The following PLXNA4 variants were observed in gnomAD, a reference collection of about 807,000 sequenced individuals.
The protein encoded by PLXNA4 is plexin A4.
PLXNA4 carries 44 observed loss-of-function variants against 191.8 expected under a neutral mutation model. The observed-to-expected ratio is 0.23, with a 90% CI of 0.18 to 0.29. PLXNA4 has a LOEUF of 0.29. PLXNA4 is among the 10% of genes least tolerant of loss of function. The pLI, the probability that PLXNA4 is intolerant of heterozygous loss-of-function variation, is 1.00. For missense variants in PLXNA4, 1,800 were observed against 2,488.8 expected, an observed-to-expected ratio of 0.72 and a Z score of 5.89; for synonymous variants, 1,082 against 1,009.5, an observed-to-expected ratio of 1.07 and a Z score of -1.36.
At chr7:132,580,505 G>A (rs1468931903), upstream of PLXNA4, among the ~76,000 whole-genome samples, 1 of 152,172 alleles carries the variant, frequency 6.6e-6, no homozygotes, top group Non-Finnish European at 1.5e-5. Flanking sequence ...ACAAGAGGGA[G>A]AAGCTAAATG....
intron 2 of PLXNA4, among the ~76,000 whole-genome samples, chr7:132,631,825 A>C (rs951674654): frequency 6.6e-6 from 1 of 152,232 alleles, no homozygotes; most frequent in Non-Finnish European, 1.5e-5. Flanking sequence ...TCTTACACTA[A>C]GGGACATAGT....
chr7:132,239,810 C>A (rs1242174097), intron 5 of PLXNA4, among the ~76,000 whole-genome samples: 2 of 152,206 alleles, frequency 1.3e-5, no homozygotes, highest in East Asian at 1.9e-4. Context: ...ATGTTTCAGA[C>A]AAGACTGGGC....
At chr7:132,557,346 C>T (rs1434232750) in intron 1 of PLXNA4, among the ~76,000 whole-genome samples, 1 of 152,170 alleles carries the variant, frequency 6.6e-6, no homozygotes, top group Admixed American at 6.5e-5. Context: ...AGGCTCCCAA[C>T]TTGCCAGCAC....
intron 3 of PLXNA4, among the ~76,000 whole-genome samples, chr7:132,421,335 C>G (rs1441221652): frequency 6.6e-6 from 1 of 152,172 alleles, no homozygotes; most frequent in African/African-American, 2.4e-5. Context: ...CCAAATTGCC[C>G]TAGAATGTAA....
At chr7:132,227,967 G>A (rs569138445) in intron 6 of PLXNA4, among the ~76,000 whole-genome samples, 16 of 152,256 alleles carry the variant, frequency 1.1e-4, no homozygotes, top group Admixed American at 5.9e-4. Flanking sequence ...ACCACCAAGT[G>A]CTCAGTGCTG....
intron 8 of PLXNA4, among the ~76,000 whole-genome samples, chr7:132,225,623 C>CCG (rs1554395257): frequency 6.6e-6 from 1 of 151,346 alleles, no homozygotes; most frequent in African/African-American, 2.4e-5. Context: ...TCCGCCCCCC[C>CCG]CCACAGCTTT....
intron 8 of PLXNA4, among the ~76,000 whole-genome samples, chr7:132,224,990 G>T (rs1238430407): frequency 6.6e-6 from 1 of 152,192 alleles, no homozygotes; most frequent in Non-Finnish European, 1.5e-5. Flanking sequence ...GAACTCTGGG[G>T]ATCCCATGGA....
chr7:132,130,347 AAG>A lies in PLXNA4; in HGVS notation c.*130_*131del, dbSNP rs771267842. On this transcript the variant is annotated 3_prime_UTR_variant, in exon 32 of 32. Transcript: ENST00000321063. ...GGAGAAACGGAAAGAGGCAGAGAGA[AAG>A]AGAGAGAAACAGCGCTGCTCAGGGG... The A allele has an allele frequency of 4.8e-5, 60 of 1,254,726 alleles. 1 individual carries two copies. Among genetic ancestry groups the A allele is most frequent in the East Asian group, 1.7e-4 (7 of 41,564 alleles). 77.7% of individuals were successfully genotyped at this position (1,254,726 alleles called of 1,614,324 possible).
intron 1 of PLXNA4, among the ~76,000 whole-genome samples, chr7:132,568,577 A>C (rs1554471842): frequency 6.6e-6 from 1 of 151,996 alleles, no homozygotes; most frequent in Non-Finnish European, 1.5e-5. Flanking sequence ...ACATCACGCC[A>C]CCCCACCCCA....
chr7:132,181,771 A>G, intron 17 of PLXNA4, 151 bp from the exon 18 acceptor site: 4 of 1,413,074 alleles, frequency 2.8e-6, no homozygotes, highest in Non-Finnish European at 3.7e-6. Context: ...TTGGGCACTC[A>G]AGGAATAGGC....
Position 132,175,822 on chromosome 7 carries a change from T to G in PLXNA4, c.3875-902A>C, listed in dbSNP as rs527899191. On this transcript the variant is annotated intron_variant, in intron 20 of 31. Transcript: ENST00000321063. ...GCACACACACATATACGTGCATGCA[T>G]GCACATGGACCACCAGGATGGATTA... 7.2e-5 allele frequency among the ~76,000 whole-genome samples: 11 copies of G among 152,312 alleles called. No individual in the cohort carries two copies. The South Asian group carries it at 2.3e-3, about 32-fold the overall frequency.
At position 132,129,279 on chromosome 7, in the gene PLXNA4, C is replaced by G. The variant is rs1210752255; in HGVS notation, c.*1200G>C. ...GATGAGGAAGGAGAATGATGAGAGA[C>G]AGCTGAGATGTTGATGAAATCATTC... On this transcript the variant is annotated 3_prime_UTR_variant, in exon 32 of 32. Transcript: ENST00000321063. 1 of 152,264 alleles carries G rather than the reference C, an allele frequency of 6.6e-6. No homozygotes were observed. The highest frequency in any genetic ancestry group is 1.5e-5 in the Non-Finnish European group (1 of 68,058). 9.4% of individuals were successfully genotyped at this position (152,264 alleles called of 1,614,324 possible).
intron 3 of PLXNA4, among the ~76,000 whole-genome samples, chr7:132,380,757 A>G (rs1804862105): frequency 6.6e-6 from 1 of 152,180 alleles, no homozygotes; most frequent in South Asian, 2.1e-4. Context: ...CACCCAAAGA[A>G]CTTGCTAAAG....
chr7:132,297,220 G>A lies in PLXNA4; in HGVS notation c.1503+871C>T, dbSNP rs538860998. Among the ~76,000 whole-genome samples, 6 of 152,166 alleles carry A rather than the reference G, an allele frequency of 3.9e-5. 1 individual carries two copies. The Middle Eastern group carries it at 0.01, about 259-fold the overall frequency. On this transcript the variant is annotated intron_variant, in intron 4 of 31. Transcript: ENST00000321063. ...GCCGCTGCTGCCACTCAGAGCTAAC[G>A]CATACATATTCATGGGATAGAGGGG...
chr7:132,484,321 C>A (rs115800008), intron 3 of PLXNA4, among the ~76,000 whole-genome samples: 1 of 152,232 alleles, frequency 6.6e-6, no homozygotes, highest in African/African-American at 2.4e-5. Flanking sequence ...GACAGAATGC[C>A]GTCTGTCTGT....
chr7:132,173,722 C>T (rs1009478029), intron 21 of PLXNA4, among the ~76,000 whole-genome samples: 10 of 152,334 alleles, frequency 6.6e-5, no homozygotes, highest in African/African-American at 2.2e-4. Flanking sequence ...ACACAGCTCC[C>T]GAGTGATGGG....
At chr7:132,132,982 C>T (rs1235959683) in intron 31 of PLXNA4, 67 bp downstream of exon 31, 3 of 1,565,806 alleles carry the variant, frequency 1.9e-6, no homozygotes, top group Non-Finnish European at 2.6e-6. Flanking sequence ...TATACGGAGG[C>T]ATGCAGGGTT....
intron 20 of PLXNA4, among the ~76,000 whole-genome samples, chr7:132,176,962 TGA>T (rs1796489535): frequency 6.6e-6 from 1 of 151,710 alleles, no homozygotes; most frequent in Admixed American, 6.6e-5. Context: ...GTTGAGTGCG[TGA>T]GTGTATGAGT....
intron 14 of PLXNA4, among the ~76,000 whole-genome samples, chr7:132,191,760 C>T (rs1006060080): frequency 7.4e-6 from 1 of 135,686 alleles, no homozygotes; most frequent in Non-Finnish European, 1.6e-5. Context: ...GAATGTCATC[C>T]CTCCTCTCTC....
Sources: gnomAD v4.1 joint callset for allele counts (sites outside exome capture counted in the v4.1 genomes callset) on GRCh38, gnomAD v4.1.1 for gene constraint, MANE v1.5 for transcripts, NCBI Gene and HGNC (gene_info 2026-07-23, HGNC 2026-07-21) for gene names.